CLCN3: variants seen among roughly 807,000 people sequenced by gnomAD.
The protein encoded by CLCN3 is Cl-/H+ antiporter 3.
CLCN3 carries 16 observed loss-of-function variants against 83.4 expected under a neutral mutation model. The ratio of observed to expected loss-of-function variants is 0.19; its 90% confidence interval spans 0.13 to 0.29. The LOEUF is 0.29. Ranked by LOEUF, CLCN3 falls within the 10% of genes least tolerant of loss-of-function variation. The pLI, the probability that CLCN3 is intolerant of heterozygous loss-of-function variation, is 1.00. For synonymous variants in CLCN3, 322 were observed against 346.2 expected, an observed-to-expected ratio of 0.93 and a Z score of 0.78; for missense variants, 544 against 1,006.0, an observed-to-expected ratio of 0.54 and a Z score of 6.21.
At chr4:169,700,361 G>A (rs560391322) in intron 9 of CLCN3, among the ~76,000 whole-genome samples, 46 of 152,202 alleles carry the variant, frequency 3.0e-4, no homozygotes, top group Admixed American at 1.0e-3. Context: ...AGGTTCAAGC[G>A]ATTCTCCTGC....
At chr4:169,649,035 A>G (rs1386444306) in intron 2 of CLCN3, among the ~76,000 whole-genome samples, 1 of 152,096 alleles carries the variant, frequency 6.6e-6, no homozygotes, top group Non-Finnish European at 1.5e-5. Context: ...AAAAAAAAAA[A>G]AAAAGTATGA....
chr4:169,623,577 A>G (rs1220803765), intron 1 of CLCN3, among the ~76,000 whole-genome samples: 1 of 152,200 alleles, frequency 6.6e-6, no homozygotes, highest in Admixed American at 6.5e-5. Context: ...ATTATTAATT[A>G]TAGTCACCGT....
Position 169,721,204 on chromosome 4 carries a change from TA to T in CLCN3, c.*1208del, listed in dbSNP as rs1733628325. On this transcript the variant is annotated 3_prime_UTR_variant, in exon 13 of 13. Coordinates refer to ENST00000513761, the MANE Select transcript of CLCN3 (RefSeq NM_001829.4). ...ATTTATATTTTTATGGATTAAAATT[TA>T]TAAAATACAGATCAGTTAATATTGC... The T allele has an allele frequency of 6.6e-6, 1 of 152,252 alleles. No individual in the cohort carries two copies. The highest frequency in any genetic ancestry group is 1.5e-5 in the Non-Finnish European group (1 of 68,050). 9.4% of individuals were successfully genotyped at this position (152,252 alleles called of 1,614,324 possible). A position where few individuals can be genotyped will look rare whatever the true frequency, so the allele number is the denominator to read the frequency against.
At chr4:169,637,032 T>G (rs1730230514) in intron 2 of CLCN3, among the ~76,000 whole-genome samples, 2 of 152,126 alleles carry the variant, frequency 1.3e-5, no homozygotes, top group Admixed American at 6.6e-5. Context: ...CACCTATACA[T>G]GATAACAGTT....
At chr4:169,664,195 C>T (rs1391051042) in intron 2 of CLCN3, among the ~76,000 whole-genome samples, 1 of 152,100 alleles carries the variant, frequency 6.6e-6, no homozygotes, top group African/African-American at 2.4e-5. Flanking sequence ...GTGGCAGATC[C>T]TAGAGGACTA....
intron 2 of CLCN3, among the ~76,000 whole-genome samples, chr4:169,670,815 T>C (rs1369800230): frequency 6.6e-6 from 1 of 152,212 alleles, no homozygotes; most frequent in African/African-American, 2.4e-5. Context: ...TAGTTCTCCT[T>C]GAACAGGTCC....
At chr4:169,639,884 ATGT>A (rs1484712942) in intron 2 of CLCN3, among the ~76,000 whole-genome samples, 1 of 152,138 alleles carries the variant, frequency 6.6e-6, no homozygotes, top group Admixed American at 6.6e-5. Flanking sequence ...AAAATCCATG[ATGT>A]TCAGTGGCTT....
intron 3 of CLCN3, 128 bp downstream of exon 3, chr4:169,680,335 A>C (rs1356787051): frequency 7.6e-6 from 5 of 654,584 alleles, no homozygotes; most frequent in Non-Finnish European, 1.3e-5. Context: ...TACATTTCAT[A>C]TGTGGTACAT....
chr4:169,642,594 T>C (rs1055981345), intron 2 of CLCN3: 24 of 152,340 alleles, frequency 1.6e-4, no homozygotes, highest in African/African-American at 5.6e-4. Flanking sequence ...TCTCAGCTCA[T>C]TCTAACCTCT....
At chr4:169,692,584 C>A (rs1350813182) in intron 7 of CLCN3, among the ~76,000 whole-genome samples, 3 of 152,178 alleles carry the variant, frequency 2.0e-5, no homozygotes. Flanking sequence ...GAAGATCTTC[C>A]TGTTATCACT....
chr4:169,716,922 G>T (rs577527853), intron 12 of CLCN3, among the ~76,000 whole-genome samples: 14 of 152,076 alleles, frequency 9.2e-5, no homozygotes, highest in Non-Finnish European at 1.8e-4. Context: ...TATTTTGGAT[G>T]GGCTTCCAGA....
intron 1 of CLCN3, among the ~76,000 whole-genome samples, chr4:169,631,451 T>A (rs1426983353): frequency 6.6e-6 from 1 of 151,770 alleles, no homozygotes; most frequent in African/African-American, 2.4e-5. Context: ...CACGCCCGGC[T>A]AATTTTTTTT....
At chr4:169,641,568 A>G (rs890014117) in intron 2 of CLCN3, among the ~76,000 whole-genome samples, 1 of 152,210 alleles carries the variant, frequency 6.6e-6, no homozygotes, top group Non-Finnish European at 1.5e-5. Context: ...ATCTATTGTT[A>G]GATTGAGCTT....
intron 2 of CLCN3, among the ~76,000 whole-genome samples, chr4:169,644,790 T>A (rs1180137197): frequency 1.3e-5 from 2 of 152,194 alleles, no homozygotes; most frequent in Admixed American, 1.3e-4. Flanking sequence ...TTATCCTGGA[T>A]TATCTGGGTA....
intron 2 of CLCN3, among the ~76,000 whole-genome samples, chr4:169,653,754 T>C (rs1035335136): frequency 4.0e-5 from 6 of 151,544 alleles, no homozygotes; most frequent in Non-Finnish European, 5.9e-5. Flanking sequence ...CCAATCATGA[T>C]AGAAGCTGAA....
At chr4:169,661,215 C>T (rs988374020) in intron 2 of CLCN3, among the ~76,000 whole-genome samples, 2 of 151,674 alleles carry the variant, frequency 1.3e-5, no homozygotes, top group East Asian at 1.9e-4. Flanking sequence ...ATTGCTTATT[C>T]GAAAAACAGA....
intron 2 of CLCN3, among the ~76,000 whole-genome samples, chr4:169,674,971 C>A (rs9993016): frequency 0.93 from 141,046 of 152,238 alleles, 66,034 homozygotes; most frequent in East Asian, 1. Flanking sequence ...CCAACTCCTG[C>A]GCTCAATCTA....
intron 1 of CLCN3, among the ~76,000 whole-genome samples, chr4:169,628,759 T>TA (rs1186376729): frequency 6.6e-6 from 1 of 152,222 alleles, no homozygotes; most frequent in Non-Finnish European, 1.5e-5. Context: ...AAAAAACAAA[T>TA]ATGTGACTAC....
chr4:169,690,217 C>T (rs1479449275), intron 5 of CLCN3, among the ~76,000 whole-genome samples: 1 of 139,626 alleles, frequency 7.2e-6, no homozygotes, highest in Non-Finnish European at 1.5e-5. Flanking sequence ...ACGATCTCGG[C>T]TCCCTGCAAC....
Sources: allele counts gnomAD v4.1 joint callset (sites outside exome capture counted in the v4.1 genomes callset), GRCh38; gene constraint gnomAD v4.1.1; transcripts MANE v1.5; gene names NCBI Gene and HGNC (gene_info 2026-07-23, HGNC 2026-07-21).